Variants in CHORDC1 observed in about 807,000 individuals in gnomAD.
The protein encoded by CHORDC1 is cysteine and histidine-rich domain-containing protein 1.
Under a neutral mutation model 48.3 loss-of-function variants are expected in CHORDC1, and 25 were observed. The observed-to-expected ratio is 0.52, with a 90% CI of 0.38 to 0.72. The LOEUF is 0.72. Ranked by LOEUF, CHORDC1 falls within the 30% of genes least tolerant of loss-of-function variation. The pLI is 0.00. For synonymous variants in CHORDC1, 128 were observed against 126.4 expected (o/e 1.01, Z -0.09); for missense variants, 317 against 388.7 (o/e 0.82, Z 1.55).
intron 2 of CHORDC1, chr11:90,217,896 A>G (rs746743352): frequency 1.7e-4 from 6 of 35,934 alleles, no homozygotes; most frequent in African/African-American, 4.3e-4. Flanking sequence ...ACTCCATCTC[A>G]AAAAAAAAAA....
In CHORDC1 at chr11:90,218,136, T is replaced by C; in HGVS notation, c.113A>G (p.Lys38Arg). The change falls in exon 2 of 11, where the codon AAG becomes AGG. Residue 38 changes from lysine to arginine, a missense_variant and splice_region_variant. Coordinates refer to ENST00000320585, the MANE Select transcript of CHORDC1 (RefSeq NM_012124.3). Reference protein sequence around the residue: ...PGVPVFHDALKGWSCCKRRTT... With the variant: ...PGVPVFHDALRGWSCCKRRTT... ...AAAAAATGAAAATATAGTTCCTACC[T>C]TTAATGCATCGTGAAAGACCGGAAC... 1 of 1,574,920 alleles carries C rather than the reference T, an allele frequency of 6.3e-7. No individual in the cohort carries two copies. The highest frequency in any genetic ancestry group is 8.6e-7 in the Non-Finnish European group (1 of 1,164,434).
intron 4 of CHORDC1, chr11:90,213,444 A>G (rs977663920): frequency 5.8e-6 from 4 of 695,486 alleles, no homozygotes; most frequent in Non-Finnish European, 7.9e-6. Flanking sequence ...GGTACTCAAT[A>G]TACATGTGTG....
chr11:90,203,282 T>C, intron 9 of CHORDC1, 26 bp downstream of exon 9: 1 of 1,543,912 alleles, frequency 6.5e-7, no homozygotes, highest in Non-Finnish European at 8.8e-7. Flanking sequence ...AAAGAACTTT[T>C]ACCCAAAATT....
intron 1 of CHORDC1, among the ~76,000 whole-genome samples, chr11:90,218,427 T>C (rs1027845985): frequency 1.3e-5 from 2 of 152,148 alleles, no homozygotes; most frequent in African/African-American, 2.4e-5. Context: ...TGTATAACAA[T>C]TATATTTTAT....
intron 6 of CHORDC1, among the ~76,000 whole-genome samples, chr11:90,210,015 G>A (rs2135039406): frequency 6.6e-6 from 1 of 152,268 alleles, no homozygotes; most frequent in Non-Finnish European, 1.5e-5. Flanking sequence ...TCCTTGAATA[G>A]CCAAGTTCTA....
intron 8 of CHORDC1, among the ~76,000 whole-genome samples, chr11:90,204,968 C>G (rs1271089630): frequency 6.6e-6 from 1 of 151,676 alleles, no homozygotes; most frequent in Non-Finnish European, 1.5e-5. Flanking sequence ...GATAAATATC[C>G]CATTAGCAAG....
At chr11:90,209,914 C>A (rs1161326883) in intron 6 of CHORDC1, among the ~76,000 whole-genome samples, 1 of 152,106 alleles carries the variant, frequency 6.6e-6, no homozygotes, top group Non-Finnish European at 1.5e-5. Flanking sequence ...GAATAAAGCC[C>A]AAATACCTCA....
chr11:90,207,072 AC>A (rs1245300679), intron 6 of CHORDC1: 1 of 269,560 alleles, frequency 3.7e-6, no homozygotes, highest in African/African-American at 2.2e-5. Flanking sequence ...ATTTGATGGC[AC>A]CGTACAGACT....
chr11:90,218,246 T>C lies in CHORDC1; in HGVS notation c.65-62A>G, dbSNP rs907618366. On this transcript the variant is annotated intron_variant, in intron 1 of 10. Transcript: ENST00000320585. ...TTTATAATGAAGAAAAATATATACA[T>C]GATCATCTCCTTAAGGTGTTAACCT... is the stretch of plus-strand genomic sequence containing the variant. 10 of 1,219,204 alleles carry C rather than the reference T, an allele frequency of 8.2e-6. No individual in the cohort carries two copies. The African/African-American group carries it at 1.4e-4, about 17-fold the overall frequency. The allele number at this position is 1,219,204 out of a possible 1,614,324, so 75.5% of individuals were successfully genotyped here.
chr11:90,206,654 T>G, intron 6 of CHORDC1: 1 of 504,882 alleles, frequency 2.0e-6, no homozygotes, highest in Non-Finnish European at 3.3e-6. Context: ...ATGTAAGTAT[T>G]GTCAAATAAT....
intron 6 of CHORDC1, chr11:90,208,034 A>T (rs1470457131): frequency 6.6e-6 from 1 of 151,880 alleles, no homozygotes; most frequent in Non-Finnish European, 1.5e-5. Context: ...GGGATGCTGA[A>T]CTAACTGATA....
At chr11:90,222,254 C>G (rs187365726) in intron 1 of CHORDC1, among the ~76,000 whole-genome samples, 1 of 152,134 alleles carries the variant, frequency 6.6e-6, no homozygotes, top group Non-Finnish European at 1.5e-5. Context: ...GTGGAGGCCA[C>G]AAGAAGAACA....
chr11:90,216,365 T>C (rs994278173), intron 2 of CHORDC1: 3 of 244,028 alleles, frequency 1.2e-5, no homozygotes, highest in Non-Finnish European at 1.6e-5. Flanking sequence ...ATAAGGTTGC[T>C]AGTTGTCTTT....
intron 6 of CHORDC1, chr11:90,208,419 A>C (rs1857767270): frequency 6.6e-6 from 1 of 152,192 alleles, no homozygotes; most frequent in Non-Finnish European, 1.5e-5. Context: ...TACAAGAGTG[A>C]AACTCCATCT....
chr11:90,215,488 C>T (rs10765277), intron 2 of CHORDC1, among the ~76,000 whole-genome samples: 19,529 of 151,894 alleles, frequency 0.13, 1,768 homozygotes, highest in East Asian at 0.31. Flanking sequence ...AAAACAAAAA[C>T]TGTTTCTCTT....
At chr11:90,217,899 A>T in intron 2 of CHORDC1, 2 of 149,638 alleles carry the variant, frequency 1.3e-5, no homozygotes, top group Non-Finnish European at 1.3e-5. Flanking sequence ...CCATCTCAAA[A>T]AAAAAAAAAA....
At chr11:90,206,652 A>G in intron 6 of CHORDC1, 1 of 490,296 alleles carries the variant, frequency 2.0e-6, no homozygotes, top group South Asian at 1.8e-5. Context: ...CCATGTAAGT[A>G]TTGTCAAATA....
intron 4 of CHORDC1, chr11:90,213,417 A>C (rs915743451): frequency 3.4e-5 from 24 of 699,860 alleles, no homozygotes; most frequent in African/African-American, 1.9e-4. Flanking sequence ...AGCACGAAGA[A>C]GACCTGGTTC....
At chr11:90,222,221 G>C (rs6483036) in intron 1 of CHORDC1, among the ~76,000 whole-genome samples, 19,098 of 152,116 alleles carry the variant, frequency 0.13, 1,286 homozygotes, top group South Asian at 0.19. Flanking sequence ...CATTTTATAC[G>C]GGAGTAGGCA....
Sources: gnomAD v4.1 joint callset for allele counts (sites outside exome capture counted in the v4.1 genomes callset) on GRCh38, gnomAD v4.1.1 for gene constraint, MANE v1.5 for transcripts, NCBI Gene and HGNC (gene_info 2026-07-23, HGNC 2026-07-21) for gene names.